ATRX: variants seen among roughly 807,000 people sequenced by gnomAD.
ATRX encodes chromatin remodeler ATRX.
A neutral mutation model predicts 172.6 loss-of-function variants in ATRX; 12 were observed. The ratio of observed to expected loss-of-function variants is 0.07; its 90% CI spans 0.04 to 0.11. The LOEUF (loss-of-function observed/expected upper bound fraction) is 0.11. ATRX is among the 10% of genes least tolerant of loss of function. ATRX has a pLI of 1.00. For missense variants in ATRX, 1,368 were observed against 1,767.4 expected (o/e 0.77, Z 4.05); for synonymous variants, 674 against 594.7 (o/e 1.13, Z -1.94).
chrX:77,541,070 G>A (rs1489361870), intron 30 of ATRX, among the ~76,000 whole-genome samples: 2 of 111,752 alleles, frequency 1.8e-5, no homozygotes, highest in African/African-American at 6.5e-5. Flanking sequence ...TAGACCGCTA[G>A]CCAGACTGAT....
At chrX:77,603,113 T>C (rs966439366) in intron 22 of ATRX, among the ~76,000 whole-genome samples, 1 of 111,123 alleles carries the variant, frequency 9.0e-6, no homozygotes, top group African/African-American at 3.3e-5. Flanking sequence ...AAAAATTATA[T>C]ACCAAGAAAT....
intron 1 of ATRX, among the ~76,000 whole-genome samples, chrX:77,762,997 G>T: frequency 9.0e-6 from 1 of 111,196 alleles, no homozygotes. Flanking sequence ...AATACAATAT[G>T]ATTATGTTTG....
At chrX:77,734,740 G>C (rs2074461663) in intron 1 of ATRX, among the ~76,000 whole-genome samples, 1 of 109,914 alleles carries the variant, frequency 9.1e-6, no homozygotes, top group Non-Finnish European at 1.9e-5. Context: ...GCAGTGAGAT[G>C]AGATAGCACC....
At chrX:77,590,528 C>T (rs993548065) in intron 26 of ATRX, among the ~76,000 whole-genome samples, 1 of 105,079 alleles carries the variant, frequency 9.5e-6, no homozygotes, top group Non-Finnish European at 1.9e-5. Flanking sequence ...AGGAGAATGG[C>T]GTGAACCCAG....
rs2071391273 is a variant in ATRX at position 77,683,763 on chromosome X, C to T, written c.1493G>A (p.Arg498Lys). Residue 498 changes from arginine to lysine, a missense_variant, in exon 9 of 35, where the codon AGA (arginine) becomes AAA (lysine). Arg to Lys is a conservative substitution (Grantham distance 26). Transcript: ENST00000373344. The part of the protein sequence containing the change: ...STGGEHKKSD[R>K]KEEPQYEPAN... Reference sequence around the variant, plus strand: ...AGGTTCATATTGAGGTTCTTCTTTTCTATCAGATTTCTTATGTTCACCACC... The same window carrying T: ...AGGTTCATATTGAGGTTCTTCTTTTTTATCAGATTTCTTATGTTCACCACC... 1 of 1,210,813 alleles carries T rather than the reference C, an allele frequency of 8.3e-7. No homozygotes were observed. The highest frequency in any genetic ancestry group is 1.1e-6 in the Non-Finnish European group (1 of 894,628).
At chrX:77,621,636 T>C (rs781926199) in intron 19 of ATRX, among the ~76,000 whole-genome samples, 5 of 112,394 alleles carry the variant, frequency 4.4e-5, no homozygotes, top group Non-Finnish European at 7.5e-5. Context: ...CAGGGCATAA[T>C]ACATACTCTA....
rs782314240 is a variant in ATRX at position 77,683,695 on chromosome X, G to C, written c.1561C>G (p.Pro521Ala). ...EDLDMDIVSV[P>A]SSVPEDIFEN... ...AAAATGTCTTCTGGAACTGAGGAAG[G>C]AACAGACACAATATCCATGTCTAAA... Residue 521 changes from proline (P) to alanine (A), a missense_variant, in exon 9 of 35, where the codon CCT becomes GCT. Physicochemically the swap from Pro to Ala is conservative, Grantham distance 27. Coordinates refer to ENST00000373344, the MANE Select transcript of ATRX (RefSeq NM_000489.6). The C allele has an allele frequency of 1.6e-5, 19 of 1,209,492 alleles. No individual in the cohort carries two copies. Among genetic ancestry groups the C allele is most frequent in the Non-Finnish European group, 4.5e-6 (4 of 894,882 alleles).
intron 2 of ATRX, among the ~76,000 whole-genome samples, chrX:77,716,633 C>T (rs1316767694): frequency 9.1e-6 from 1 of 110,232 alleles, no homozygotes; most frequent in Non-Finnish European, 1.9e-5. Context: ...ATCCCAGCTA[C>T]TCAGGAGGCT....
intron 2 of ATRX, among the ~76,000 whole-genome samples, chrX:77,705,191 C>T (rs1364972185): frequency 1.8e-5 from 2 of 111,723 alleles, no homozygotes; most frequent in African/African-American, 6.5e-5. Flanking sequence ...GGTGGGTCTC[C>T]TGCCTGCTCC....
At chrX:77,754,592 T>C (rs2075421520) in intron 1 of ATRX, among the ~76,000 whole-genome samples, 1 of 111,920 alleles carries the variant, frequency 8.9e-6, no homozygotes, top group Non-Finnish European at 1.9e-5. Flanking sequence ...CCTCCTTCGC[T>C]TACGAAGCTT....
chrX:77,648,648 A>G (rs1306906244), intron 15 of ATRX, among the ~76,000 whole-genome samples: 2 of 108,343 alleles, frequency 1.8e-5, no homozygotes, highest in East Asian at 2.9e-4. Flanking sequence ...TTGAGATAGT[A>G]AAATTGTGAA....
intron 33 of ATRX, 71 bp downstream of exon 33, chrX:77,521,332 T>A (rs1199617837): frequency 4.4e-5 from 37 of 840,982 alleles, no homozygotes; most frequent in Admixed American, 2.1e-4. Flanking sequence ...ATTAAAAATT[T>A]AAAAAAATGG....
chrX:77,755,278 A>G (rs2075447550), intron 1 of ATRX, among the ~76,000 whole-genome samples: 1 of 112,040 alleles, frequency 8.9e-6, no homozygotes, highest in South Asian at 3.7e-4. Context: ...GGATTAGAAC[A>G]TGCTCCTTTA....
chrX:77,590,406 C>T lies in ATRX; in HGVS notation c.6111-466G>A, dbSNP rs782720657. 1.1e-4 allele frequency among the ~76,000 whole-genome samples: 12 copies of T among 109,718 alleles called. No individual in the cohort carries two copies. In the East Asian group the frequency reaches 3.1e-3, roughly 29 times the overall value. ...CGGGTGGATCACGAGGTCAGGAGAT[C>T]GAGACCATCCTGGCTAACACGGTGA... On this transcript the variant is annotated intron_variant, in intron 26 of 34. Transcript: ENST00000373344.
intron 27 of ATRX, among the ~76,000 whole-genome samples, chrX:77,583,523 A>T (rs2065903094): frequency 9.1e-6 from 1 of 110,447 alleles, no homozygotes; most frequent in African/African-American, 3.3e-5. Context: ...GACCGTCTCA[A>T]AAAAAAAACA....
At position 77,684,230 on chromosome X, in the gene ATRX, A is replaced by G; in HGVS notation, c.1026T>C (p.Ser342=). 1 of 1,211,384 alleles carries G rather than the reference A, an allele frequency of 8.3e-7. No individual in the cohort carries two copies. ...CTTTGGGCACAATTAGTGCGGAATA[A>G]GAGTAGGTTACAGAGCCAGAACAGG... ...DDSCSGSVTY[S]YSALIVPKEM... is the part of the protein sequence containing the mutation. The change falls in exon 9 of 35, where the codon TCT becomes TCC. Residue 342 remains serine (S), a synonymous_variant. Coordinates refer to ENST00000373344, the MANE Select transcript of ATRX (RefSeq NM_000489.6).
chrX:77,681,159 C>G (rs1347471339), intron 9 of ATRX, among the ~76,000 whole-genome samples: 1 of 111,630 alleles, frequency 9.0e-6, no homozygotes, highest in African/African-American at 3.2e-5. Context: ...CCATGTCATA[C>G]CAGTACCAAG....
At chrX:77,775,511 C>T (rs1557201784) in intron 1 of ATRX, among the ~76,000 whole-genome samples, 2 of 109,768 alleles carry the variant, frequency 1.8e-5, no homozygotes, top group Non-Finnish European at 3.8e-5. Context: ...GGCAAAAACT[C>T]ATCTCCACAA....
In ATRX at chrX:77,619,821, A is replaced by C. The variant is rs565058941; in HGVS notation, c.5272+574T>G. Among the ~76,000 whole-genome samples, 17 of 112,052 alleles carry C rather than the reference A, an allele frequency of 1.5e-4. No homozygotes were observed. In the South Asian group the frequency reaches 5.9e-3, roughly 39 times the overall value. ...AAAAAAGTGAGAGATTATAACAGGA[A>C]ATTTCAATTAGTTACTTGCTGAATA... On this transcript the variant is annotated intron_variant, in intron 20 of 34. Transcript: ENST00000373344.
Sources: allele counts gnomAD v4.1 joint callset (sites outside exome capture counted in the v4.1 genomes callset), GRCh38; gene constraint gnomAD v4.1.1; transcripts MANE v1.5; gene names NCBI Gene and HGNC (gene_info 2026-07-23, HGNC 2026-07-21).